Variants in DYSF observed in about 807,000 individuals in gnomAD.
DYSF encodes the protein dysferlin.
In DYSF, 212 loss-of-function variants were observed where a neutral mutation model predicts 274.9. The ratio of observed to expected loss-of-function variants is 0.77; its 90% CI spans 0.69 to 0.86. DYSF has a LOEUF of 0.86. Among genes scored for constraint, DYSF ranks in the 40% least tolerant of loss-of-function variants. The pLI, the probability that DYSF is intolerant of heterozygous loss-of-function variation, is 0.00. For missense variants in DYSF, 2,666 were observed against 2,783.2 expected, an observed-to-expected ratio of 0.96 and a Z score of 0.95; for synonymous variants, 1,091 against 1,078.7, an observed-to-expected ratio of 1.01 and a Z score of -0.22.
At chr2:71,472,507 C>A (rs548824268) in intron 1 of DYSF, among the ~76,000 whole-genome samples, 1 of 152,152 alleles carries the variant, frequency 6.6e-6, no homozygotes, top group South Asian at 2.1e-4. Flanking sequence ...CCCGGGTTCA[C>A]GCCATTCTCC....
rs771116782 is a variant in DYSF, at chr2:71,644,030, C to T, written c.4593C>T (p.Gly1531=). 1 of 1,612,280 alleles carries T rather than the reference C, an allele frequency of 6.2e-7. No homozygotes were observed. The highest frequency in any genetic ancestry group is 1.1e-5 in the South Asian group (1 of 90,412). ...CCATAGGGGAGAGGGAAAAGTGCGG[C>T]TCCTACCTGGAGAAGGATTTTGACA... ...FASIGEREKC[G]SYLEKDFDTL... The change falls in exon 42 of 56, where the codon GGC becomes GGT. Residue 1531 remains glycine (G), a synonymous_variant. Coordinates refer to ENST00000410020, the MANE Select transcript of DYSF (RefSeq NM_001130987.2).
At position 71,618,151 on chromosome 2, in the gene DYSF, G is replaced by GGT. The variant is rs796163016; in HGVS notation, c.4465-2378_4465-2377dup. The stretch of plus-strand genomic sequence containing the variant: ...TAGAGGTGGCGTGTGTGGTAGAGGT[G>GGT]GTGTGTGTGTGTGTGTGTGGTAGAG... On this transcript the variant is annotated intron_variant, in intron 40 of 55. Coordinates refer to ENST00000410020, the MANE Select transcript of DYSF (RefSeq NM_001130987.2). Among the ~76,000 whole-genome samples the GGT allele has an allele frequency of 2.1e-3, 51 of 24,416 alleles. 1 individual carries two copies. The highest frequency in any genetic ancestry group is 4.8e-3 in the Admixed American group (8 of 1,660). The allele number at this position is 24,416 out of a possible 152,430, so 16.0% of individuals were successfully genotyped here.
intron 41 of DYSF, among the ~76,000 whole-genome samples, chr2:71,635,088 C>T (rs1301547527): frequency 6.6e-6 from 1 of 152,202 alleles, no homozygotes; most frequent in Non-Finnish European, 1.5e-5. Context: ...TTCCGGGTGG[C>T]TGCTGCTGCC....
chr2:71,618,885 G>A (rs928577215), intron 40 of DYSF, among the ~76,000 whole-genome samples: 1 of 151,840 alleles, frequency 6.6e-6, no homozygotes, highest in Non-Finnish European at 1.5e-5. Context: ...GGGTGCTGGG[G>A]CTGGCCGGCT....
intron 1 of DYSF, among the ~76,000 whole-genome samples, chr2:71,475,774 AT>A (rs1260115506): frequency 6.6e-6 from 1 of 152,098 alleles, no homozygotes; most frequent in Non-Finnish European, 1.5e-5. Context: ...CTAAGAGATT[AT>A]TTTATTTTTT....
intron 41 of DYSF, among the ~76,000 whole-genome samples, chr2:71,625,518 C>A (rs565990368): frequency 6.6e-6 from 1 of 152,026 alleles, no homozygotes; most frequent in African/African-American, 2.4e-5. Flanking sequence ...TATTCTGTTC[C>A]ATTGGTCTGT....
chr2:71,629,485 G>C (rs1013903076), intron 41 of DYSF, among the ~76,000 whole-genome samples: 1 of 152,164 alleles, frequency 6.6e-6, no homozygotes, highest in African/African-American at 2.4e-5. Context: ...GTTTGATTGT[G>C]AACTCATGTT....
At chr2:71,555,360 G>A (rs79931878) in intron 21 of DYSF, among the ~76,000 whole-genome samples, 1 of 152,044 alleles carries the variant, frequency 6.6e-6, no homozygotes, top group African/African-American at 2.4e-5. Flanking sequence ...GGGGTGTGTC[G>A]GGGGCTGAGG....
Position 71,524,098 on chromosome 2 carries a change from C to T in DYSF, c.1150-2122C>T, listed in dbSNP as rs1025199120. On this transcript the variant is annotated intron_variant, in intron 12 of 55. Transcript: ENST00000410020. ...CATCCCTCTCTAGCCTTTTCCCCTG[C>T]TGGAATGCCTTCCCTCTCTTTGCCT... Among the ~76,000 whole-genome samples, 6 of 152,288 alleles carry T rather than the reference C, an allele frequency of 3.9e-5. No individual in the cohort carries two copies. The East Asian group carries it at 9.7e-4, about 25-fold the overall frequency.
At chr2:71,601,208 C>T in intron 34 of DYSF, 1 of 594,628 alleles carries the variant, frequency 1.7e-6, no homozygotes, top group East Asian at 2.8e-5. Flanking sequence ...TGGCCCTGGG[C>T]CAGCCACTCC....
chr2:71,475,389 C>T (rs1346331549), intron 1 of DYSF, among the ~76,000 whole-genome samples: 1 of 152,212 alleles, frequency 6.6e-6, no homozygotes, highest in African/African-American at 2.4e-5. Flanking sequence ...GTGAGTAAGG[C>T]ATGGTGTTTG....
chr2:71,631,091 C>G (rs1399102538), intron 41 of DYSF, among the ~76,000 whole-genome samples: 1 of 152,132 alleles, frequency 6.6e-6, no homozygotes, highest in African/African-American at 2.4e-5. Flanking sequence ...CTCATGAGTA[C>G]TGACAACAAT....
In DYSF at chr2:71,664,340, C is replaced by T. The variant is rs2152950734; in HGVS notation, c.5076C>T (p.Leu1692=). ...LKITLYDYDL[L]SKDEKIGETV... ...TCACTCTCTATGACTATGACCTCCTCTCCAAGGACGAAAAGATCGGTGAGA... is the reference window on the plus strand; with the variant it reads ...TCACTCTCTATGACTATGACCTCCTTTCCAAGGACGAAAAGATCGGTGAGA... The change falls in exon 46 of 56, where the codon CTC becomes CTT. Residue 1692 remains leucine, a synonymous_variant. Transcript: ENST00000410020. 3 of 1,614,212 alleles carry T rather than the reference C, an allele frequency of 1.9e-6. No homozygotes were observed. The highest frequency in any genetic ancestry group is 2.5e-6 in the Non-Finnish European group (3 of 1,180,036).
At chr2:71,654,997 G>T (rs952965551) in intron 42 of DYSF, among the ~76,000 whole-genome samples, 6 of 152,128 alleles carry the variant, frequency 3.9e-5, no homozygotes, top group Non-Finnish European at 7.4e-5. Flanking sequence ...AGGCTAAGGT[G>T]GGGGGATCAT....
intron 30 of DYSF, among the ~76,000 whole-genome samples, chr2:71,579,104 T>C (rs1237091190): frequency 2.0e-5 from 3 of 152,020 alleles, no homozygotes; most frequent in African/African-American, 7.2e-5. Context: ...CCACACCCCC[T>C]GTGGCCACAG....
intron 1 of DYSF, among the ~76,000 whole-genome samples, chr2:71,461,493 G>A (rs34265800): frequency 0.2 from 30,885 of 152,244 alleles, 3,181 homozygotes; most frequent in South Asian, 0.22. Context: ...AGCGAGAGGT[G>A]GAATGGCCTT....
chr2:71,575,267 T>G (rs1574104606), intron 30 of DYSF, among the ~76,000 whole-genome samples: 1 of 147,210 alleles, frequency 6.8e-6, no homozygotes, highest in African/African-American at 2.5e-5. Context: ...TGAGAGGGAG[T>G]GGGTGGGCTG....
chr2:71,528,524 G>A, intron 14 of DYSF, 123 bp downstream of exon 14: 1 of 824,800 alleles, frequency 1.2e-6, no homozygotes, highest in Non-Finnish European at 2.0e-6. Context: ...ACAAGGAGTG[G>A]CTGATCCTGG....
At chr2:71,574,573 G>C (rs907146567) in intron 30 of DYSF, among the ~76,000 whole-genome samples, 1 of 152,200 alleles carries the variant, frequency 6.6e-6, no homozygotes, top group Non-Finnish European at 1.5e-5. Flanking sequence ...AAATGAAAAA[G>C]CTCCTTCCTT....
Sources: allele counts gnomAD v4.1 joint callset (sites outside exome capture counted in the v4.1 genomes callset), GRCh38; gene constraint gnomAD v4.1.1; transcripts MANE v1.5; gene names NCBI Gene and HGNC (gene_info 2026-07-23, HGNC 2026-07-21).